The following ADAMTS16 variants were observed in gnomAD, a reference collection of about 807,000 sequenced individuals.
ADAMTS16 encodes the protein A disintegrin and metalloproteinase with thrombospondin motifs 16.
ADAMTS16 carries 94 observed loss-of-function variants against 145.8 expected under a neutral mutation model. The observed-to-expected ratio is 0.64, with a 90% CI of 0.55 to 0.77. The LOEUF is 0.77. ADAMTS16 is among the 30% of genes least tolerant of loss of function. The probability of loss-of-function intolerance (pLI) is 0.00; values close to 1 mark genes in which losing one functional copy is unlikely to be tolerated. For missense variants in ADAMTS16, 1,585 were observed against 1,591.5 expected, an observed-to-expected ratio of 1.00 and a Z score of 0.07; for synonymous variants, 659 against 604.3, an observed-to-expected ratio of 1.09 and a Z score of -1.33.
intron 3 of ADAMTS16, among the ~76,000 whole-genome samples, chr5:5,170,201 G>T (rs188040671): frequency 0.014 from 2,143 of 152,100 alleles, 32 homozygotes; most frequent in Non-Finnish European, 0.017. Flanking sequence ...CCACATCCTC[G>T]CCAGCATTTT....
At position 5,200,387 on chromosome 5, in the gene ADAMTS16, A is replaced by G. The variant is rs1241374775; in HGVS notation, c.1451+118A>G. ...TGCTTCCTGATGTGGTTCCCTTTGA[A>G]GGTGTCTTGAGACATTCAGTTGACC... On this transcript the variant is annotated intron_variant, in intron 9 of 22. Transcript: ENST00000274181. 1.5e-5 allele frequency: 20 copies of G among 1,325,420 alleles called. No individual in the cohort carries two copies. In the Admixed American group the frequency reaches 4.2e-4, roughly 28 times the overall value. 82.1% of individuals were successfully genotyped at this position (1,325,420 alleles called of 1,614,324 possible).
intron 3 of ADAMTS16, among the ~76,000 whole-genome samples, chr5:5,172,404 A>G (rs1358854904): frequency 6.6e-6 from 1 of 151,900 alleles, no homozygotes; most frequent in Non-Finnish European, 1.5e-5. Flanking sequence ...TTCTTTTAGT[A>G]TGCTTTTGCC....
chr5:5,307,576 C>A (rs1740231566), intron 21 of ADAMTS16, among the ~76,000 whole-genome samples: 1 of 152,188 alleles, frequency 6.6e-6, no homozygotes, highest in African/African-American at 2.4e-5. Context: ...CCATGTGGGT[C>A]CCTAACTGGG....
chr5:5,172,799 T>A (rs1181256036), intron 3 of ADAMTS16, among the ~76,000 whole-genome samples: 1 of 152,068 alleles, frequency 6.6e-6, no homozygotes, highest in East Asian at 1.9e-4. Flanking sequence ...TCCCTGGTGA[T>A]TTTCTGTCTT....
At chr5:5,262,884 C>G in intron 18 of ADAMTS16, 101 bp downstream of exon 18, 1 of 1,514,736 alleles carries the variant, frequency 6.6e-7, no homozygotes, top group Non-Finnish European at 8.9e-7. Context: ...TGATTGCCAT[C>G]ATGTCACTCA....
At chr5:5,237,135 C>T in intron 14 of ADAMTS16, 36 bp downstream of exon 14, 1 of 1,601,644 alleles carries the variant, frequency 6.2e-7, no homozygotes, top group South Asian at 1.1e-5. Context: ...ACAAATGATT[C>T]CGGACAGTCT....
intron 9 of ADAMTS16, among the ~76,000 whole-genome samples, chr5:5,205,263 C>A (rs1736067043): frequency 1.3e-5 from 2 of 148,524 alleles, no homozygotes; most frequent in Middle Eastern, 6.9e-3. Context: ...TAATGGAATC[C>A]AAATTATTAA....
rs151145773 is a variant in ADAMTS16, at chr5:5,199,075, A to G, written c.1314-1057A>G. 6.3e-4 allele frequency among the ~76,000 whole-genome samples: 96 copies of G among 152,330 alleles called. 2 individuals carry two copies. The East Asian group carries it at 0.017, about 28-fold the overall frequency. ...TTAATGAGAGGTCTTCAGAGCCACA[A>G]GAGCTCCCAAGGAAGTATGTTGTGT... On this transcript the variant is annotated intron_variant, in intron 8 of 22. Coordinates refer to ENST00000274181, the MANE Select transcript of ADAMTS16 (RefSeq NM_139056.4).
chr5:5,141,494 G>T (rs1734168828), intron 2 of ADAMTS16, among the ~76,000 whole-genome samples: 1 of 152,196 alleles, frequency 6.6e-6, no homozygotes, highest in Admixed American at 6.5e-5. Context: ...AAATGAGAAC[G>T]CAGGTGTGTC....
intron 13 of ADAMTS16, among the ~76,000 whole-genome samples, chr5:5,236,634 A>G (rs1295090244): frequency 1.3e-5 from 2 of 151,644 alleles, no homozygotes; most frequent in African/African-American, 2.4e-5. Context: ...TTGGATTTCT[A>G]CAAGATAGTA....
chr5:5,272,638 T>TA (rs1395810003), intron 18 of ADAMTS16, among the ~76,000 whole-genome samples: 5 of 152,164 alleles, frequency 3.3e-5, no homozygotes, highest in Non-Finnish European at 7.3e-5. Context: ...GTGCTGGGAT[T>TA]ACAGGCGTGA....
intron 4 of ADAMTS16, among the ~76,000 whole-genome samples, chr5:5,185,378 T>C (rs1287493775): frequency 6.6e-6 from 1 of 152,228 alleles, no homozygotes; most frequent in East Asian, 1.9e-4. Context: ...TAAACCTAAT[T>C]GTTTTCAATG....
At chr5:5,215,710 ATATGTGG>A (rs1365792527) in intron 10 of ADAMTS16, among the ~76,000 whole-genome samples, 7 of 111,064 alleles carry the variant, frequency 6.3e-5, no homozygotes, top group African/African-American at 9.6e-5. Context: ...ATATATATAT[ATATGTGG>A]TATATATATA....
chr5:5,140,895 AC>A (rs1734147398), intron 2 of ADAMTS16, 129 bp downstream of exon 2: 1 of 908,714 alleles, frequency 1.1e-6, no homozygotes, highest in Non-Finnish European at 1.5e-6. Flanking sequence ...GCTGTTGTGA[AC>A]TTTTTTTTTT....
At chr5:5,188,883 T>C (rs1380216110) in intron 6 of ADAMTS16, among the ~76,000 whole-genome samples, 1 of 152,168 alleles carries the variant, frequency 6.6e-6, no homozygotes, top group African/African-American at 2.4e-5. Flanking sequence ...TAATTATTCC[T>C]GGTATTAAAA....
intron 3 of ADAMTS16, among the ~76,000 whole-genome samples, chr5:5,173,659 GA>G (rs1735109983): frequency 1.3e-5 from 2 of 151,930 alleles, no homozygotes. Context: ...ATTTTTAGTA[GA>G]GATGGGGTTT....
rs749611097 is a variant in ADAMTS16 at position 5,318,199 on chromosome 5, G to A, written c.3477G>A (p.Pro1159=). The part of the protein sequence containing the change: ...RSVQCLAGGR[P]ASGCLLHQKP... ...TGCAGTGCCTGGCTGGGGGCCGGCC[G>A]GCCTCAGGCTGCCTCCTGCACCAGA... The change falls in exon 22 of 23, where the codon CCG becomes CCA. Residue 1159 remains proline (P), a synonymous_variant. Transcript: ENST00000274181. The A allele has an allele frequency of 1.0e-5, 16 of 1,564,550 alleles. No homozygotes were observed. The highest frequency in any genetic ancestry group is 8.2e-5 in the African/African-American group (6 of 73,548).
chr5:5,290,851 T>C (rs1739282249), intron 18 of ADAMTS16, among the ~76,000 whole-genome samples: 1 of 152,192 alleles, frequency 6.6e-6, no homozygotes, highest in Non-Finnish European at 1.5e-5. Context: ...AAAGGCCTGT[T>C]CTTCCCGCTG....
chr5:5,247,886 CAT>C (rs1160418956), intron 17 of ADAMTS16, among the ~76,000 whole-genome samples: 1 of 152,224 alleles, frequency 6.6e-6, no homozygotes, highest in Non-Finnish European at 1.5e-5. Flanking sequence ...GTTGGGATAA[CAT>C]GTGTCCACAG....
Sources: gnomAD v4.1 joint callset for allele counts (sites outside exome capture counted in the v4.1 genomes callset) on GRCh38, gnomAD v4.1.1 for gene constraint, MANE v1.5 for transcripts, NCBI Gene and HGNC (gene_info 2026-07-23, HGNC 2026-07-21) for gene names.